Variants in ALMS1 observed in about 807,000 individuals in gnomAD.
ALMS1 encodes the protein centrosome-associated protein ALMS1.
ALMS1 carries 271 observed loss-of-function variants against 352.2 expected under a neutral mutation model. That is an observed-to-expected ratio of 0.77 (90% CI 0.70 to 0.85). ALMS1 has a LOEUF of 0.85. Among genes scored for constraint, ALMS1 ranks in the 40% least tolerant of loss-of-function variants. ALMS1 has a pLI of 0.00. For synonymous variants in ALMS1, 1,865 were observed against 1,761.2 expected (o/e 1.06, Z -1.48); for missense variants, 5,445 against 4,870.7 (o/e 1.12, Z -3.51).
Position 73,557,360 on chromosome 2 carries a change from T to A in ALMS1, c.10213+6T>A. ...TTTGCAGAAAGATACTGCAGGTAGC[T>A]AAACTGGATTGTCTGCGTATTATTT... On this transcript the variant is annotated splice_donor_region_variant and intron_variant, in intron 14 of 22. Transcript: ENST00000613296. 6.2e-7 allele frequency: 1 copy of A among 1,614,088 alleles called. No individual in the cohort carries two copies.
rs1415449725 is a variant in ALMS1 at position 73,448,390 on chromosome 2, C to A, written c.1863C>A (p.Ser621=). The stretch of plus-strand genomic sequence containing the variant: ...GCATGTCAACTCTAACCTCTACTTC[C>A]TACTCACATAGAGAGAAGCCTGGTA... The part of the protein sequence containing the change: ...TTGMSTLTST[S]YSHREKPGTF... Residue 621 remains serine (S), a synonymous_variant, in exon 8 of 23, where the codon TCC becomes TCA. Coordinates refer to ENST00000613296, the MANE Select transcript of ALMS1 (RefSeq NM_001378454.1). 3 of 1,613,842 alleles carry A rather than the reference C, an allele frequency of 1.9e-6. No homozygotes were observed. Among genetic ancestry groups the A allele is most frequent in the Non-Finnish European group, 2.5e-6 (3 of 1,179,908 alleles).
chr2:73,538,771 G>A (rs6730597), intron 12 of ALMS1, among the ~76,000 whole-genome samples: 29 of 152,176 alleles, frequency 1.9e-4, no homozygotes, highest in African/African-American at 6.5e-4. Flanking sequence ...CTACGCCCAC[G>A]GAGCCTCGCT....
chr2:73,479,821 A>G (rs1389527960), intron 9 of ALMS1, among the ~76,000 whole-genome samples: 1 of 152,128 alleles, frequency 6.6e-6, no homozygotes, highest in Non-Finnish European at 1.5e-5. Context: ...TGGTTATATC[A>G]TTTACATTCC....
chr2:73,505,186 A>G (rs2103928537), intron 10 of ALMS1, among the ~76,000 whole-genome samples: 1 of 152,318 alleles, frequency 6.6e-6, no homozygotes, highest in Non-Finnish European at 1.5e-5. Context: ...GTAAACATAC[A>G]TGTGCATGTG....
At chr2:73,503,895 T>C (rs967497946) in intron 10 of ALMS1, among the ~76,000 whole-genome samples, 2 of 152,158 alleles carry the variant, frequency 1.3e-5, no homozygotes, top group Non-Finnish European at 2.9e-5. Flanking sequence ...AACAAGATAC[T>C]CTTTTCCCTT....
At chr2:73,550,537 A>G (rs1674407703) in intron 13 of ALMS1, 100 bp downstream of exon 13, 3 of 1,475,536 alleles carry the variant, frequency 2.0e-6, no homozygotes, top group South Asian at 1.2e-5. Context: ...GTTTTGTTAT[A>G]CAAGCTTTTC....
In ALMS1 at chr2:73,416,600, C is replaced by G. The variant is rs781260862; in HGVS notation, c.451-2523C>G. ...AAAATATTTGTAAATTGTAATACAT[C>G]TTCTTTTTATGGATTCTGTACCACC... On this transcript the variant is annotated intron_variant, in intron 2 of 22. Coordinates refer to ENST00000613296, the MANE Select transcript of ALMS1 (RefSeq NM_001378454.1). 3.9e-5 allele frequency among the ~76,000 whole-genome samples: 6 copies of G among 152,224 alleles called. No homozygotes were observed. In the East Asian group the frequency reaches 1.2e-3, roughly 29 times the overall value.
At chr2:73,493,208 A>C (rs1296347697) in intron 10 of ALMS1, among the ~76,000 whole-genome samples, 1 of 151,932 alleles carries the variant, frequency 6.6e-6, no homozygotes, top group Non-Finnish European at 1.5e-5. Flanking sequence ...AGAAATAGAT[A>C]TTATTACCTC....
intron 7 of ALMS1, among the ~76,000 whole-genome samples, chr2:73,438,512 C>G (rs73944994): frequency 6.6e-6 from 1 of 152,164 alleles, no homozygotes; most frequent in Non-Finnish European, 1.5e-5. Flanking sequence ...TTTGGACATA[C>G]TGAGTTTGAT....
At chr2:73,413,244 TGCAGAGACAGTCTGTG>T (rs759964089) in intron 2 of ALMS1, among the ~76,000 whole-genome samples, 89 of 152,328 alleles carry the variant, frequency 5.8e-4, no homozygotes, top group Middle Eastern at 3.4e-3. Context: ...TTGTTTCTTT[TGCAGAGACAGTCTGTG>T]GCATGTTTTT....
In ALMS1 at chr2:73,410,988, CAT is replaced by C. The variant is rs893025894; in HGVS notation, c.450+2243_450+2244del. Reference sequence around the variant, plus strand: ...TAAGACAATCCCTGACCATAAAAAACATAGTACCTGGGGCCATTAAATGGAAG... The same window carrying C: ...TAAGACAATCCCTGACCATAAAAAACAGTACCTGGGGCCATTAAATGGAAG... On this transcript the variant is annotated intron_variant, in intron 2 of 22. Coordinates refer to ENST00000613296, the MANE Select transcript of ALMS1 (RefSeq NM_001378454.1). Among the ~76,000 whole-genome samples, 4 of 151,980 alleles carry C rather than the reference CAT, an allele frequency of 2.6e-5. 1 individual carries two copies. The highest frequency in any genetic ancestry group is 4.8e-5 in the African/African-American group (2 of 41,356).
intron 7 of ALMS1, 25 bp downstream of exon 7, chr2:73,432,316 A>C: frequency 6.5e-7 from 1 of 1,539,378 alleles, no homozygotes; most frequent in Non-Finnish European, 9.0e-7. Flanking sequence ...GAGATAGTAA[A>C]TGTCCTACTT....
intron 15 of ALMS1, among the ~76,000 whole-genome samples, chr2:73,565,047 C>T (rs967138096): frequency 3.9e-5 from 6 of 152,182 alleles, no homozygotes; most frequent in African/African-American, 1.4e-4. Context: ...GATGCAAATG[C>T]ACATCTCTCT....
At chr2:73,567,054 T>C (rs577806724) in intron 15 of ALMS1, among the ~76,000 whole-genome samples, 1 of 152,284 alleles carries the variant, frequency 6.6e-6, no homozygotes, top group East Asian at 1.9e-4. Context: ...CTTCAAACTC[T>C]GTCTGTTAGG....
chr2:73,608,724 G>T (rs575779690), intron 22 of ALMS1, 150 bp downstream of exon 22: 2 of 711,184 alleles, frequency 2.8e-6, no homozygotes, highest in East Asian at 5.5e-5. Flanking sequence ...TTGAAATTTG[G>T]AAGAAGGCAT....
intron 10 of ALMS1, among the ~76,000 whole-genome samples, chr2:73,493,898 A>G (rs1321768803): frequency 1.3e-5 from 2 of 152,226 alleles, no homozygotes; most frequent in East Asian, 3.8e-4. Flanking sequence ...ATAGCAACTT[A>G]ATAAACGTGA....
intron 1 of ALMS1, among the ~76,000 whole-genome samples, chr2:73,406,972 A>G: frequency 6.6e-6 from 1 of 152,244 alleles, no homozygotes; most frequent in East Asian, 1.9e-4. Context: ...GTCACAAGTA[A>G]CATGTTTATA....
At chr2:73,454,507 CAT>C (rs952036180) in intron 8 of ALMS1, 4 of 326,828 alleles carry the variant, frequency 1.2e-5, no homozygotes, top group African/African-American at 8.9e-5. Context: ...CCTAAAACTA[CAT>C]ATATTTTCTC....
intron 9 of ALMS1, among the ~76,000 whole-genome samples, chr2:73,487,984 C>T (rs1672890545): frequency 6.6e-6 from 1 of 152,206 alleles, no homozygotes; most frequent in Admixed American, 6.5e-5. Context: ...TTTTTATGGG[C>T]TTCAAAGGGG....
Sources: allele counts gnomAD v4.1 joint callset (sites outside exome capture counted in the v4.1 genomes callset), GRCh38; gene constraint gnomAD v4.1.1; transcripts MANE v1.5; gene names NCBI Gene and HGNC (gene_info 2026-07-23, HGNC 2026-07-21).